Variants in ZNF536 observed in about 807,000 individuals in gnomAD.
ZNF536 encodes the protein zinc finger protein 536.
In ZNF536, 13 loss-of-function variants were observed where a neutral mutation model predicts 84.5. The observed-to-expected ratio is 0.15, with a 90% CI of 0.10 to 0.24. The LOEUF (loss-of-function observed/expected upper bound fraction) is 0.24. Among genes scored for constraint, ZNF536 ranks in the 10% least tolerant of loss-of-function variants. ZNF536 has a pLI of 1.00. For synonymous variants in ZNF536, 811 were observed against 742.5 expected (o/e 1.09, Z -1.50); for missense variants, 1,536 against 1,747.5 (o/e 0.88, Z 2.16).
intron 2 of ZNF536, among the ~76,000 whole-genome samples, chr19:30,489,217 C>G (rs796500798): frequency 9.2e-5 from 14 of 152,286 alleles, no homozygotes; most frequent in African/African-American, 3.4e-4. Flanking sequence ...AGACAGAAAC[C>G]AGCCATTTGT....
rs570793849 is a variant in ZNF536, at chr19:30,237,006, C to T, written c.-190+8333C>T. On this transcript the variant is annotated intron_variant, in intron 1 of 5. Transcript: ENST00000585628. ...ACTGACACCAGCAACTTGATCCTCA[C>T]GTCTCAAAATGTTGACAGGAGCTAG... Among the ~76,000 whole-genome samples, 8 of 151,934 alleles carry T rather than the reference C, an allele frequency of 5.3e-5. No homozygotes were observed. In the South Asian group the frequency reaches 1.3e-3, roughly 24 times the overall value.
chr19:30,546,189 G>A (rs1599757806), intron 3 of ZNF536, among the ~76,000 whole-genome samples: 1 of 152,208 alleles, frequency 6.6e-6, no homozygotes, highest in Non-Finnish European at 1.5e-5. Context: ...TGTCTACATA[G>A]CAGTAGCTCA....
At chr19:30,392,871 T>G (rs962477728) in intron 1 of ZNF536, among the ~76,000 whole-genome samples, 3 of 152,156 alleles carry the variant, frequency 2.0e-5, no homozygotes, top group African/African-American at 7.2e-5. Flanking sequence ...CTCATTTAAT[T>G]TTTTAAATTG....
chr19:30,327,538 A>G (rs2047079072), intron 2 of ZNF536, among the ~76,000 whole-genome samples: 2 of 152,244 alleles, frequency 1.3e-5, no homozygotes, highest in Admixed American at 6.5e-5. Flanking sequence ...TTGAAAGATC[A>G]GTGACAAAAG....
chr19:30,467,469 A>G (rs2053461977), intron 2 of ZNF536, among the ~76,000 whole-genome samples: 1 of 152,172 alleles, frequency 6.6e-6, no homozygotes, highest in Non-Finnish European at 1.5e-5. Context: ...ACGGCTGTAT[A>G]GTATTCTATT....
intron 1 of ZNF536, among the ~76,000 whole-genome samples, chr19:30,618,428 A>G (rs954349470): frequency 6.6e-6 from 1 of 152,210 alleles, no homozygotes; most frequent in African/African-American, 2.4e-5. Flanking sequence ...TCCTTTCATC[A>G]TCCAATGAAA....
At chr19:30,699,968 C>T (rs1426956071) in intron 1 of ZNF536, among the ~76,000 whole-genome samples, 2 of 147,034 alleles carry the variant, frequency 1.4e-5, no homozygotes, top group African/African-American at 2.7e-5. Context: ...TTCCTCCTTT[C>T]CTTTCTCTCT....
At chr19:30,392,353 A>T (rs994245098) in intron 1 of ZNF536, among the ~76,000 whole-genome samples, 3 of 152,156 alleles carry the variant, frequency 2.0e-5, no homozygotes, top group Non-Finnish European at 4.4e-5. Flanking sequence ...CGCCAAAGGG[A>T]TTCCATTAAG....
intron 1 of ZNF536, among the ~76,000 whole-genome samples, chr19:30,673,521 C>T (rs760338781): frequency 1.3e-5 from 2 of 152,292 alleles, no homozygotes; most frequent in Admixed American, 1.3e-4. Flanking sequence ...ACGGGACTGG[C>T]ACATACATCG....
rs186527192 is a variant in ZNF536 at position 30,548,907 on chromosome 19, G to T, written c.3288G>T (p.Trp1096Cys). The change falls in exon 4 of 5, where the codon TGG becomes TGT. Residue 1096 changes from tryptophan (W) to cysteine (C), a missense_variant. By Grantham distance (215) the Trp-to-Cys change is radical. Around this residue, in one of 8 missense-constraint regions of ZNF536, gnomAD observed 624 missense variants for 603.1 expected, o/e 1.03. Transcript: ENST00000355537. ...TGGGAGAGCAGAAGAGCGGTGCATG[G>T]ACCGGCCACGTGGACCCTGCATTTT... ...ETLGEQKSGA[W>C]TGHVDPAFCN... is the part of the protein sequence containing the mutation. The T allele has an allele frequency of 6.2e-7, 1 of 1,614,164 alleles. No individual in the cohort carries two copies. The highest frequency in any genetic ancestry group is 1.3e-5 in the African/African-American group (1 of 75,040).
At chr19:30,456,156 T>G (rs1444989827) in intron 2 of ZNF536, among the ~76,000 whole-genome samples, 1 of 152,188 alleles carries the variant, frequency 6.6e-6, no homozygotes, top group Non-Finnish European at 1.5e-5. Flanking sequence ...CCTGTCCTAA[T>G]AGTAATAGTT....
chr19:30,572,082 G>A (rs2046567578), intron 1 of ZNF536, among the ~76,000 whole-genome samples: 1 of 152,188 alleles, frequency 6.6e-6, no homozygotes, highest in Non-Finnish European at 1.5e-5. Flanking sequence ...TGGGTAAGAG[G>A]TGGGCATCTT....
At chr19:30,496,454 A>C (rs536195341) in intron 2 of ZNF536, among the ~76,000 whole-genome samples, 2 of 152,282 alleles carry the variant, frequency 1.3e-5, no homozygotes, top group African/African-American at 4.8e-5. Context: ...GGGCATATCT[A>C]ATGATCCTTC....
intron 1 of ZNF536, among the ~76,000 whole-genome samples, chr19:30,698,527 C>G (rs2051761026): frequency 6.6e-6 from 1 of 152,192 alleles, no homozygotes; most frequent in Non-Finnish European, 1.5e-5. Context: ...TGTCTCCTTC[C>G]ACCTTCCTGG....
intron 1 of ZNF536, among the ~76,000 whole-genome samples, chr19:30,656,581 C>T (rs1005218310): frequency 2.0e-5 from 3 of 152,210 alleles, no homozygotes; most frequent in Non-Finnish European, 4.4e-5. Context: ...CTCTGCAGCA[C>T]ACTCTCCAGA....
At chr19:30,633,642 T>C (rs753497932) in intron 1 of ZNF536, among the ~76,000 whole-genome samples, 4 of 152,242 alleles carry the variant, frequency 2.6e-5, no homozygotes, top group Non-Finnish European at 5.9e-5. Context: ...TCTTTCTGTG[T>C]TTGGCATATA....
chr19:30,692,100 C>G (rs970962259), intron 1 of ZNF536, among the ~76,000 whole-genome samples: 2 of 152,236 alleles, frequency 1.3e-5, no homozygotes, highest in Non-Finnish European at 2.9e-5. Flanking sequence ...AATAGACGAA[C>G]TTGCTCCTCT....
At position 30,284,476 on chromosome 19, in the gene ZNF536, G is replaced by A. The variant is rs796180219; in HGVS notation, c.-120+335G>A. Among the ~76,000 whole-genome samples, 54 of 152,156 alleles carry A rather than the reference G, an allele frequency of 3.5e-4. 1 individual carries two copies. Among genetic ancestry groups the A allele is most frequent in the African/African-American group, 1.3e-3 (52 of 41,568 alleles). ...GCTGGTGGGGCTTTTGCTAAAGGCC[G>A]AGTGACCTCGTCCAAGTGCCACCTG... On this transcript the variant is annotated intron_variant, in intron 2 of 5. Coordinates refer to the ZNF536 transcript ENST00000585628.
intron 1 of ZNF536, among the ~76,000 whole-genome samples, chr19:30,246,413 T>C (rs537251741): frequency 6.6e-6 from 1 of 152,364 alleles, no homozygotes; most frequent in Admixed American, 6.5e-5. Context: ...TTCTGCGGCA[T>C]CAAATGTTTT....
Sources: gnomAD v4.1 joint callset for allele counts (sites outside exome capture counted in the v4.1 genomes callset) on GRCh38, gnomAD v4.1.1 for gene constraint, gnomAD v4.1.1 regional missense constraint, MANE v1.5 for transcripts, NCBI Gene and HGNC (gene_info 2026-07-23, HGNC 2026-07-21) for gene names.